The following GRIN2B variants were observed in gnomAD, a reference collection of about 807,000 sequenced individuals.
The protein encoded by GRIN2B is glutamate receptor ionotropic, NMDA 2B.
A neutral mutation model predicts 114.5 loss-of-function variants in GRIN2B; 5 were observed. The observed-to-expected ratio is 0.04, with a 90% CI of 0.02 to 0.09. GRIN2B has a LOEUF of 0.09. GRIN2B is among the 10% of genes least tolerant of loss of function. The pLI is 1.00. For synonymous variants in GRIN2B, 787 were observed against 745.1 expected, an observed-to-expected ratio of 1.06 and a Z score of -0.92; for missense variants, 1,108 against 1,943.5, an observed-to-expected ratio of 0.57 and a Z score of 8.08.
At chr12:13,895,564 T>C (rs1242890984) in intron 2 of GRIN2B, among the ~76,000 whole-genome samples, 1 of 152,166 alleles carries the variant, frequency 6.6e-6, no homozygotes, top group Non-Finnish European at 1.5e-5. Flanking sequence ...TTCCAAAGTT[T>C]GAAAGGCTAA....
At chr12:13,670,942 T>C (rs1316106832) in intron 5 of GRIN2B, among the ~76,000 whole-genome samples, 1 of 152,084 alleles carries the variant, frequency 6.6e-6, no homozygotes, top group Non-Finnish European at 1.5e-5. Flanking sequence ...ATACTGTTCA[T>C]TTTTTTATTA....
At chr12:13,596,115 C>T (rs1190257538) in intron 10 of GRIN2B, among the ~76,000 whole-genome samples, 2 of 152,038 alleles carry the variant, frequency 1.3e-5, no homozygotes, top group African/African-American at 2.4e-5. Context: ...ATGCTGTTAG[C>T]CATCTTGTTC....
intron 10 of GRIN2B, among the ~76,000 whole-genome samples, chr12:13,575,265 G>A (rs550471074): frequency 3.3e-5 from 5 of 152,244 alleles, no homozygotes; most frequent in South Asian, 2.1e-4. Flanking sequence ...ATAAGCCACC[G>A]ACTGGGAAGA....
chr12:13,798,436 C>A (rs763520050), intron 3 of GRIN2B, among the ~76,000 whole-genome samples: 103 of 152,280 alleles, frequency 6.8e-4, no homozygotes, highest in Non-Finnish European at 1.3e-3. Flanking sequence ...ACCATCTAAT[C>A]AGTTTCTGCT....
At chr12:13,687,424 G>A (rs1317823698) in intron 4 of GRIN2B, among the ~76,000 whole-genome samples, 3 of 152,014 alleles carry the variant, frequency 2.0e-5, no homozygotes, top group African/African-American at 4.8e-5. Flanking sequence ...CAATTTGGGG[G>A]TATGCCAAGG....
At chr12:13,601,643 G>A (rs1949163679) in intron 10 of GRIN2B, among the ~76,000 whole-genome samples, 1 of 152,052 alleles carries the variant, frequency 6.6e-6, no homozygotes, top group Non-Finnish European at 1.5e-5. Context: ...GCTTAGAGGT[G>A]AGGAATACAG....
intron 4 of GRIN2B, among the ~76,000 whole-genome samples, chr12:13,709,456 G>A (rs543401024): frequency 5.3e-5 from 8 of 152,076 alleles, no homozygotes; most frequent in South Asian, 2.1e-4. Context: ...AATCGAAAGC[G>A]TCAGCAAAGA....
chr12:13,907,403 T>C (rs139214689), intron 2 of GRIN2B, among the ~76,000 whole-genome samples: 2,104 of 151,858 alleles, frequency 0.014, 24 homozygotes, highest in Middle Eastern at 0.034. Context: ...GACACGAGAA[T>C]TGCTTGAGAC....
In GRIN2B at chr12:13,554,536, G is replaced by C. The variant is rs140262858; in HGVS notation, c.*8247C>G. The C allele has an allele frequency of 2.0e-5, 3 of 152,190 alleles. No individual in the cohort carries two copies. The East Asian group carries it at 5.8e-4, about 29-fold the overall frequency. The allele number at this position is 152,190 out of a possible 1,614,324, so 9.4% of individuals were successfully genotyped here. A position where few individuals can be genotyped will look rare whatever the true frequency, so the allele number is the denominator to read the frequency against. On this transcript the variant is annotated 3_prime_UTR_variant, in exon 14 of 14. Transcript: ENST00000609686. Reference sequence around the variant, plus strand: ...TGTTATTCAGCTTGTCTGGATTATGGGACACACACATAGTCAAGTAACAAG... The same window carrying C: ...TGTTATTCAGCTTGTCTGGATTATGCGACACACACATAGTCAAGTAACAAG...
intron 10 of GRIN2B, 43 bp from the exon 11 acceptor site, chr12:13,572,007 GGAGAGAGA>G: frequency 1.4e-6 from 2 of 1,463,026 alleles, no homozygotes; most frequent in Non-Finnish European, 1.9e-6. Flanking sequence ...GGAGATGGAG[GGAGAGAGA>G]GAGAGAAAAG....
rs1326898745 is a variant in GRIN2B, at chr12:13,549,291, T to C, written c.*13492A>G. 1 of 152,130 alleles carries C rather than the reference T, an allele frequency of 6.6e-6. No individual in the cohort carries two copies. 9.4% of individuals were successfully genotyped at this position (152,130 alleles called of 1,614,324 possible). A position where few individuals can be genotyped will look rare whatever the true frequency, so the allele number is the denominator to read the frequency against. ...TCTCATAAGTATTCTCAGGAGACTA[T>C]TAATTTTGGAGCCCCCATGCTTCCC... is the stretch of plus-strand genomic sequence containing the variant. On this transcript the variant is annotated 3_prime_UTR_variant, in exon 14 of 14. Transcript: ENST00000609686.
At chr12:13,680,961 A>G (rs944952559) in intron 4 of GRIN2B, among the ~76,000 whole-genome samples, 1 of 152,134 alleles carries the variant, frequency 6.6e-6, no homozygotes, top group African/African-American at 2.4e-5. Context: ...ATATGGCCAA[A>G]GTCACACCAC....
chr12:13,830,038 C>T (rs1307800163), intron 3 of GRIN2B, among the ~76,000 whole-genome samples: 3 of 152,080 alleles, frequency 2.0e-5, no homozygotes, highest in Non-Finnish European at 4.4e-5. Context: ...ACCTGAGACC[C>T]ACTATCTGGA....
At chr12:13,745,917 G>A (rs998307868) in intron 4 of GRIN2B, among the ~76,000 whole-genome samples, 2 of 151,988 alleles carry the variant, frequency 1.3e-5, no homozygotes, top group African/African-American at 4.8e-5. Context: ...TTTTTAATCT[G>A]ACAAATATTT....
At chr12:13,728,429 AT>A (rs1201635122) in intron 4 of GRIN2B, among the ~76,000 whole-genome samples, 1 of 152,204 alleles carries the variant, frequency 6.6e-6, no homozygotes, top group Non-Finnish European at 1.5e-5. Context: ...CTCCCTACAC[AT>A]CAGAATATTT....
intron 2 of GRIN2B, among the ~76,000 whole-genome samples, chr12:13,979,644 A>G (rs1212919741): frequency 6.6e-6 from 1 of 151,980 alleles, no homozygotes; most frequent in Non-Finnish European, 1.5e-5. Context: ...GGCTATGTCT[A>G]TAGATATAGA....
chr12:13,555,871 T>C lies in GRIN2B; in HGVS notation c.*6912A>G, dbSNP rs1313056840. ...TCAGGTGAGGTTAAATTGATTGAAT[T>C]TGTGCTCTTCACGTAGGTTTAAGAC... On this transcript the variant is annotated 3_prime_UTR_variant, in exon 14 of 14. Coordinates refer to ENST00000609686, the MANE Select transcript of GRIN2B (RefSeq NM_000834.5). 6.6e-6 allele frequency: 1 copy of C among 152,196 alleles called. No homozygotes were observed. Among genetic ancestry groups the C allele is most frequent in the African/African-American group, 2.4e-5 (1 of 41,434 alleles). 9.4% of individuals were successfully genotyped at this position (152,196 alleles called of 1,614,324 possible).
chr12:13,762,562 C>T (rs1565528339), intron 3 of GRIN2B, among the ~76,000 whole-genome samples: 1 of 152,160 alleles, frequency 6.6e-6, no homozygotes, highest in South Asian at 2.1e-4. Flanking sequence ...GTTCATATAC[C>T]AAGGGGAGCA....
At chr12:13,980,738 G>A (rs2136882721) in intron 1 of GRIN2B, among the ~76,000 whole-genome samples, 1 of 152,276 alleles carries the variant, frequency 6.6e-6, no homozygotes, top group South Asian at 2.1e-4. Flanking sequence ...GCCAGCGAGT[G>A]CGGCCCCCAG....
Sources: gnomAD v4.1 joint callset for allele counts (sites outside exome capture counted in the v4.1 genomes callset) on GRCh38, gnomAD v4.1.1 for gene constraint, MANE v1.5 for transcripts, NCBI Gene and HGNC (gene_info 2026-07-23, HGNC 2026-07-21) for gene names.